Variants in KTN1 observed in about 807,000 individuals in gnomAD.
KTN1 encodes kinectin 1.
Under a neutral mutation model 222.5 loss-of-function variants are expected in KTN1, and 130 were observed. The observed-to-expected ratio is 0.58, with a 90% CI of 0.51 to 0.68. The LOEUF (loss-of-function observed/expected upper bound fraction) is 0.68. Among genes scored for constraint, KTN1 ranks in the 30% least tolerant of loss-of-function variants. The pLI is 0.00. For synonymous variants in KTN1, 512 were observed against 496.3 expected (o/e 1.03, Z -0.42); for missense variants, 1,508 against 1,500.4 (o/e 1.01, Z -0.08).
At chr14:55,642,048 C>T (rs2141011624) in intron 18 of KTN1, among the ~76,000 whole-genome samples, 1 of 152,266 alleles carries the variant, frequency 6.6e-6, no homozygotes, top group Non-Finnish European at 1.5e-5. Context: ...AATAAATGTC[C>T]TGCCTTAGAC....
intron 1 of KTN1, among the ~76,000 whole-genome samples, chr14:55,598,948 A>T (rs1181724163): frequency 1.3e-5 from 2 of 151,934 alleles, no homozygotes; most frequent in East Asian, 3.9e-4. Flanking sequence ...TTCCCATTGG[A>T]TTTATTGGAC....
intron 1 of KTN1, among the ~76,000 whole-genome samples, chr14:55,590,092 G>A (rs895771438): frequency 6.6e-6 from 1 of 151,848 alleles, no homozygotes; most frequent in Admixed American, 6.6e-5. Context: ...TTTTCTTTTT[G>A]GGGAAAATTT....
intron 8 of KTN1, 105 bp from the exon 9 acceptor site, chr14:55,634,421 A>G: frequency 3.1e-6 from 3 of 971,296 alleles, no homozygotes; most frequent in African/African-American, 3.3e-5. Flanking sequence ...TGGGCTGTAA[A>G]TGGAACTACT....
intron 1 of KTN1, among the ~76,000 whole-genome samples, chr14:55,585,797 G>A (rs2032865837): frequency 6.6e-6 from 1 of 152,206 alleles, no homozygotes; most frequent in Admixed American, 6.5e-5. Flanking sequence ...GAGAATGTCA[G>A]TTAATCCAGT....
chr14:55,589,255 A>G (rs1159427351), intron 1 of KTN1, among the ~76,000 whole-genome samples: 1 of 152,230 alleles, frequency 6.6e-6, no homozygotes, highest in African/African-American at 2.4e-5. Flanking sequence ...TCATTTAAGC[A>G]GAAAGTCCTG....
chr14:55,629,049 A>C (rs1347028649), intron 6 of KTN1, among the ~76,000 whole-genome samples: 1 of 152,216 alleles, frequency 6.6e-6, no homozygotes, highest in Non-Finnish European at 1.5e-5. Flanking sequence ...CTTGGCTTTC[A>C]TGTACTTTGA....
chr14:55,671,516 A>G, intron 35 of KTN1, 50 bp from the exon 36 acceptor site: 1 of 1,410,458 alleles, frequency 7.1e-7, no homozygotes, highest in Non-Finnish European at 9.9e-7. Flanking sequence ...CTTGAAGCAT[A>G]AAACTTTCTG....
chr14:55,611,291 A>G (rs1346573201), intron 1 of KTN1, among the ~76,000 whole-genome samples: 1 of 130,904 alleles, frequency 7.6e-6, no homozygotes, highest in African/African-American at 3.1e-5. Flanking sequence ...TTGTAAAGGC[A>G]GGGTTTCGCC....
chr14:55,592,924 CT>C lies in KTN1; in HGVS notation c.-31+12574del, dbSNP rs750008659. On this transcript the variant is annotated intron_variant, in intron 1 of 43. Transcript: ENST00000395314. ...TTGCTTCTTTTATTTTCACTTTTCT[CT>C]TTTGCTAGACCTGTCTTGGAGGCTA... Among the ~76,000 whole-genome samples the C allele has an allele frequency of 5.3e-5, 8 of 152,188 alleles. No individual in the cohort carries two copies. The East Asian group carries it at 1.4e-3, about 26-fold the overall frequency.
chr14:55,633,840 A>G (rs1005211421), intron 8 of KTN1, among the ~76,000 whole-genome samples: 1 of 152,076 alleles, frequency 6.6e-6, no homozygotes, highest in African/African-American at 2.4e-5. Context: ...AGGAGTCTAC[A>G]TATTAAGACA....
Position 55,634,665 on chromosome 14 carries a change from T to A in KTN1, c.1461+7T>A, listed in dbSNP as rs369034250. On this transcript the variant is annotated splice_region_variant and intron_variant, in intron 9 of 43. Coordinates refer to ENST00000395314, the MANE Select transcript of KTN1 (RefSeq NM_001079521.2). ...AGCAGCTACTCAGTTGAAGGTGATATATTCTCACCTTTATTTGTCATTTCA... is the reference window on the plus strand; with the variant it reads ...AGCAGCTACTCAGTTGAAGGTGATAAATTCTCACCTTTATTTGTCATTTCA... 6 of 1,602,644 alleles carry A rather than the reference T, an allele frequency of 3.7e-6. No homozygotes were observed. The East Asian group carries it at 8.9e-5, about 24-fold the overall frequency.
chr14:55,633,247 C>T lies in KTN1; in HGVS notation c.1234C>T (p.Arg412Cys), dbSNP rs746061547. The change falls in exon 8 of 44, where the codon CGT becomes TGT. Residue 412 changes from arginine (R) to cysteine (C), a missense_variant. Transcript: ENST00000395314. ...QQMQMKFQQV[R>C]EQMEAEIAHL... ...AAAATAATTTTAGTTTCAGCAAGTT[C>T]GTGAGCAGATGGAGGCAGAGATAGC... 7.6e-6 allele frequency: 12 copies of T among 1,575,886 alleles called. No homozygotes were observed. Among genetic ancestry groups the T allele is most frequent in the Admixed American group, 1.8e-5 (1 of 55,292 alleles).
At chr14:55,658,636 G>C (rs781766887) in intron 30 of KTN1, 22 bp downstream of exon 30, 2 of 1,523,972 alleles carry the variant, frequency 1.3e-6, no homozygotes, top group Admixed American at 1.9e-5. Context: ...TAGATGTCTT[G>C]CCTTTCACTT....
intron 24 of KTN1, chr14:55,651,458 G>A (rs2042928799): frequency 2.7e-5 from 12 of 437,718 alleles, no homozygotes; most frequent in South Asian, 2.0e-4. Flanking sequence ...TTGAAAACTG[G>A]GATGGAGAAG....
chr14:55,598,943 A>C (rs1164652236), intron 1 of KTN1, among the ~76,000 whole-genome samples: 1 of 152,088 alleles, frequency 6.6e-6, no homozygotes, highest in African/African-American at 2.4e-5. Flanking sequence ...TTGAATTCCC[A>C]TTGGATTTAT....
At chr14:55,623,971 T>A (rs1198156345) in intron 5 of KTN1, among the ~76,000 whole-genome samples, 1 of 152,210 alleles carries the variant, frequency 6.6e-6, no homozygotes, top group African/African-American at 2.4e-5. Context: ...TAAATCAGAC[T>A]ACCCTTTATC....
intron 1 of KTN1, among the ~76,000 whole-genome samples, chr14:55,607,624 T>A (rs185802413): frequency 1.8e-4 from 27 of 152,316 alleles, no homozygotes; most frequent in South Asian, 6.2e-4. Context: ...TCTCTCCTGG[T>A]TCTCTTGACA....
intron 19 of KTN1, 110 bp downstream of exon 19, chr14:55,647,117 T>G: frequency 1.4e-6 from 1 of 732,890 alleles, no homozygotes; most frequent in Non-Finnish European, 2.3e-6. Flanking sequence ...AGAAATGTAG[T>G]ATGCTGTTGA....
chr14:55,597,072 A>C (rs116836498), intron 1 of KTN1, among the ~76,000 whole-genome samples: 1,615 of 152,242 alleles, frequency 0.011, 29 homozygotes, highest in African/African-American at 0.037. Context: ...TGAAAAAAAA[A>C]ATCCAAAGGG....
Sources: gnomAD v4.1 joint callset for allele counts (sites outside exome capture counted in the v4.1 genomes callset) on GRCh38, gnomAD v4.1.1 for gene constraint, MANE v1.5 for transcripts, NCBI Gene and HGNC (gene_info 2026-07-23, HGNC 2026-07-21) for gene names.